GCNT2: variants seen among roughly 807,000 people sequenced by gnomAD.
The protein encoded by GCNT2 is N-acetyllactosaminide beta-1,6-N-acetylglucosaminyl-transferase.
A neutral mutation model predicts 34.2 loss-of-function variants in GCNT2; 34 were observed. The observed-to-expected ratio is 1.00, with a 90% confidence interval of 0.76 to 1.32. The LOEUF (loss-of-function observed/expected upper bound fraction) is 1.32, where lower values mean the gene tolerates loss of function less well. Ranked by LOEUF, GCNT2 falls within the 40% of genes most tolerant of loss-of-function variation. GCNT2 has a pLI of 0.00. For missense variants in GCNT2, 584 were observed against 489.4 expected (o/e 1.19, Z -1.82); for synonymous variants, 212 against 188.0 (o/e 1.13, Z -1.04).
chr6:10,544,319 A>G (rs1762170245), intron 3 of GCNT2, among the ~76,000 whole-genome samples: 2 of 149,970 alleles, frequency 1.3e-5, no homozygotes, highest in Non-Finnish European at 3.0e-5. Flanking sequence ...CTCAAAAAGT[A>G]AAATAGGCAA....
intron 1 of GCNT2, among the ~76,000 whole-genome samples, chr6:10,525,644 C>CT (rs966784450): frequency 6.6e-6 from 1 of 152,118 alleles, no homozygotes; most frequent in Non-Finnish European, 1.5e-5. Flanking sequence ...CATATTAATT[C>CT]TTTTTTTAAA....
Position 10,626,815 on chromosome 6 carries a change from T to C in GCNT2, c.*208T>C. 1.7e-6 allele frequency: 1 copy of C among 574,588 alleles called. No homozygotes were observed. The highest frequency in any genetic ancestry group is 2.9e-5 in the East Asian group (1 of 34,118). 35.6% of individuals were successfully genotyped at this position (574,588 alleles called of 1,614,324 possible). On this transcript the variant is annotated 3_prime_UTR_variant, in exon 5 of 5. Transcript: ENST00000495262. ...GCTGGGTAGAGCAATCTGGGCACTT[T>C]GGCCAATTTTAGTCTTGCTGTTTCT...
At chr6:10,545,212 C>T (rs1045682127) in intron 3 of GCNT2, among the ~76,000 whole-genome samples, 1 of 151,802 alleles carries the variant, frequency 6.6e-6, no homozygotes, top group Non-Finnish European at 1.5e-5. Context: ...CTGAAGGGTT[C>T]GTGCTGAAGT....
At chr6:10,538,779 A>G (rs1407093500) in intron 3 of GCNT2, among the ~76,000 whole-genome samples, 1 of 152,184 alleles carries the variant, frequency 6.6e-6, no homozygotes, top group Non-Finnish European at 1.5e-5. Flanking sequence ...ATGTATATAA[A>G]TAGTTTTGCT....
intron 3 of GCNT2, chr6:10,587,044 G>C: frequency 1.4e-6 from 1 of 721,230 alleles, no homozygotes; most frequent in Non-Finnish European, 2.4e-6. Context: ...TTGGTTGCTT[G>C]TAGCAACAGT....
chr6:10,527,194 C>T (rs1271494752), intron 1 of GCNT2, among the ~76,000 whole-genome samples: 9 of 152,026 alleles, frequency 5.9e-5, no homozygotes, highest in African/African-American at 2.4e-5. Flanking sequence ...GAGGCCGAGG[C>T]GGGTGGATCA....
intron 3 of GCNT2, among the ~76,000 whole-genome samples, chr6:10,606,617 A>ATTTAATGGAAATTTCCATTAAAGAAC (rs1765323020): frequency 8.5e-6 from 1 of 118,188 alleles, no homozygotes; most frequent in Non-Finnish European, 2.1e-5. Context: ...CATTAAAGAA[A>ATTTAATGGAAATTTCCATTAAAGAAC]TTTAATGGAA....
chr6:10,553,915 C>A (rs1762585506), intron 3 of GCNT2, among the ~76,000 whole-genome samples: 1 of 152,104 alleles, frequency 6.6e-6, no homozygotes, highest in Non-Finnish European at 1.5e-5. Flanking sequence ...ACCAAACATA[C>A]CTCAAATAAT....
chr6:10,526,238 G>C (rs1056589043), intron 1 of GCNT2, among the ~76,000 whole-genome samples: 1 of 152,108 alleles, frequency 6.6e-6, no homozygotes, highest in African/African-American at 2.4e-5. Flanking sequence ...TCTATTTTGG[G>C]GGCCCTATAG....
chr6:10,542,890 ATTCTTTTTTTT>A lies in GCNT2; in HGVS notation c.925+13057_925+13067del, dbSNP rs1298014644. 3.7e-3 allele frequency among the ~76,000 whole-genome samples: 397 copies of A among 107,522 alleles called. 1 individual carries two copies. The highest frequency in any genetic ancestry group is 0.017 in the African/African-American group (377 of 22,198). The allele number at this position is 107,522 out of a possible 152,430, so 70.5% of individuals were successfully genotyped here. A position where few individuals can be genotyped will look rare whatever the true frequency, so the allele number is the denominator to read the frequency against. On this transcript the variant is annotated intron_variant, in intron 3 of 4. Coordinates refer to ENST00000495262, the MANE Select transcript of GCNT2 (RefSeq NM_145649.5). ...AGTGAAACTGCTGGTCCCTATGTTA[ATTCTTTTTTTT>A]TTTTTTTTTTTTTTTTTAATTTTGA...
rs570612261 is a variant in GCNT2, at chr6:10,583,952, C to T, written c.926-37399C>T. Among the ~76,000 whole-genome samples, 71 of 152,220 alleles carry T rather than the reference C, an allele frequency of 4.7e-4. 2 individuals are homozygous for T. The South Asian group carries it at 0.012, about 27-fold the overall frequency. ...TGTTTGATGAAGGGAGCCTGCCTCT[C>T]CACTCCTGTGGGTATTTCTTGCAAG... On this transcript the variant is annotated intron_variant, in intron 3 of 4. Transcript: ENST00000495262.
chr6:10,565,540 C>A (rs775394513), intron 3 of GCNT2, among the ~76,000 whole-genome samples: 24 of 152,348 alleles, frequency 1.6e-4, no homozygotes, highest in Middle Eastern at 3.4e-3. Context: ...GTCAGTACTG[C>A]ACAAAGCTCT....
In GCNT2 at chr6:10,529,514, G is replaced by A; in HGVS notation, c.603G>A (p.Arg201=). ...CGQDFPLKTN[R]EIVQYLKGFK... Reference sequence around the variant, plus strand: ...AAGACTTTCCCCTGAAAACCAACAGGGAAATAGTTCAGTATCTGAAGGGAT... The same window carrying A: ...AAGACTTTCCCCTGAAAACCAACAGAGAAATAGTTCAGTATCTGAAGGGAT... Residue 201 remains arginine, a synonymous_variant, in exon 3 of 5, where the codon AGG becomes AGA. Transcript: ENST00000495262. 1 of 1,614,024 alleles carries A rather than the reference G, an allele frequency of 6.2e-7. No individual in the cohort carries two copies. The highest frequency in any genetic ancestry group is 8.5e-7 in the Non-Finnish European group (1 of 1,179,980).
At position 10,626,738 on chromosome 6, in the gene GCNT2, G is replaced by A. The variant is rs572828059; in HGVS notation, c.*131G>A. On this transcript the variant is annotated 3_prime_UTR_variant, in exon 5 of 5. Coordinates refer to ENST00000495262, the MANE Select transcript of GCNT2 (RefSeq NM_145649.5). ...GTTTATAGCTTCAGGACCTGGCTAC[G>A]TAATTATACTTAAAATATCCACTGG... 22 of 693,996 alleles carry A rather than the reference G, an allele frequency of 3.2e-5. No individual in the cohort carries two copies. In the African/African-American group the frequency reaches 3.3e-4, roughly 11 times the overall value. The allele number at this position is 693,996 out of a possible 1,614,324, so 43.0% of individuals were successfully genotyped here. A position where few individuals can be genotyped will look rare whatever the true frequency, so the allele number is the denominator to read the frequency against.
intron 3 of GCNT2, chr6:10,555,953 G>A (rs552905125): frequency 9.7e-7 from 1 of 1,027,838 alleles, no homozygotes; most frequent in Admixed American, 5.1e-5. Flanking sequence ...CCTGCTAGGG[G>A]ACTAGCAGGA....
chr6:10,575,413 G>A (rs1404993171), intron 3 of GCNT2, among the ~76,000 whole-genome samples: 3 of 149,382 alleles, frequency 2.0e-5, no homozygotes, highest in Non-Finnish European at 4.4e-5. Context: ...CCAGGCTGGA[G>A]TGCAATGGCG....
At chr6:10,587,355 T>C (rs1306959222) in intron 3 of GCNT2, among the ~76,000 whole-genome samples, 1 of 152,190 alleles carries the variant, frequency 6.6e-6, no homozygotes, top group East Asian at 1.9e-4. Context: ...CAGGGGTACT[T>C]ACTGGTTTTA....
At chr6:10,531,305 C>T (rs756637851) in intron 3 of GCNT2, among the ~76,000 whole-genome samples, 1 of 152,172 alleles carries the variant, frequency 6.6e-6, no homozygotes, top group Non-Finnish European at 1.5e-5. Context: ...CCAATTTAGT[C>T]CTGCTAGTTC....
chr6:10,571,037 C>T (rs1247257207), intron 3 of GCNT2, among the ~76,000 whole-genome samples: 4 of 152,124 alleles, frequency 2.6e-5, no homozygotes, highest in Non-Finnish European at 4.4e-5. Context: ...ATAATGACAG[C>T]GTTTAGAACC....
Sources: gnomAD v4.1 joint callset for allele counts (sites outside exome capture counted in the v4.1 genomes callset) on GRCh38, gnomAD v4.1.1 for gene constraint, MANE v1.5 for transcripts, NCBI Gene and HGNC (gene_info 2026-07-23, HGNC 2026-07-21) for gene names.